The following TEKT5 variants were observed in gnomAD, a reference collection of about 807,000 sequenced individuals.
TEKT5 encodes the protein tektin 5.
A neutral mutation model predicts 48.7 loss-of-function variants in TEKT5; 52 were observed. The ratio of observed to expected loss-of-function variants is 1.07; its 90% CI spans 0.86 to 1.35. TEKT5 has a LOEUF of 1.35. TEKT5 is among the 40% of genes most tolerant of loss of function. TEKT5 has a pLI of 0.00. For missense variants in TEKT5, 831 were observed against 641.6 expected (o/e 1.30, Z -3.19); for synonymous variants, 318 against 267.6 (o/e 1.19, Z -1.84).
At chr16:10,634,565 T>C (rs1897886769) in intron 6 of TEKT5, among the ~76,000 whole-genome samples, 1 of 152,166 alleles carries the variant, frequency 6.6e-6, no homozygotes, top group African/African-American at 2.4e-5. Flanking sequence ...CTCAATGATG[T>C]GGGGTCCTCC....
intron 5 of TEKT5, among the ~76,000 whole-genome samples, chr16:10,636,983 A>T (rs1479664635): frequency 2.8e-4 from 35 of 123,756 alleles, no homozygotes; most frequent in African/African-American, 1.1e-3. Context: ...CACCTGGCTG[A>T]TTTTTTTTTT....
chr16:10,653,392 C>G, intron 5 of TEKT5, among the ~76,000 whole-genome samples: 1 of 152,190 alleles, frequency 6.6e-6, no homozygotes, highest in East Asian at 1.9e-4. Context: ...AGCAGGAGTC[C>G]TAAGCCTCCC....
rs146792496 is a variant in TEKT5 at position 10,653,826 on chromosome 16, T to A, written c.1087-17908A>T. ...TATTTGGGAGGCTGAGGCAGGAGAG[T>A]CACTTGAACCTGGGAGGCAAAATTT... On this transcript the variant is annotated intron_variant, in intron 5 of 6. Transcript: ENST00000283025. Among the ~76,000 whole-genome samples, 1,424 of 151,564 alleles carry A rather than the reference T, an allele frequency of 9.4e-3. 19 individuals carry two copies. Among genetic ancestry groups the A allele is most frequent in the African/African-American group, 0.033 (1,349 of 41,298 alleles).
intron 5 of TEKT5, among the ~76,000 whole-genome samples, chr16:10,651,178 G>A (rs1007371419): frequency 2.0e-5 from 3 of 152,230 alleles, no homozygotes; most frequent in East Asian, 1.9e-4. Flanking sequence ...GGGAGCTGCC[G>A]ATTCACCTGG....
rs775658432 is a variant in TEKT5, at chr16:10,694,679, C to T, written c.195G>A (p.Pro65=). The change falls in exon 1 of 7, where the codon CCG becomes CCA. Residue 65 remains proline, a synonymous_variant. Transcript: ENST00000283025. ...GCCGCAGGGTACTGGTGCTCTCGTCCGGGCAGGTCTGGACGTTGGCTATCT... is the reference window on the plus strand; with the variant it reads ...GCCGCAGGGTACTGGTGCTCTCGTCTGGGCAGGTCTGGACGTTGGCTATCT... ...FYKIANVQTC[P]DESTSTLRPP... 1.2e-5 allele frequency: 20 copies of T among 1,613,014 alleles called. No individual in the cohort carries two copies. In the Admixed American group the frequency reaches 2.0e-4, roughly 16 times the overall value.
At chr16:10,660,209 G>GTCT (rs1483687603) in intron 5 of TEKT5, among the ~76,000 whole-genome samples, 1 of 152,100 alleles carries the variant, frequency 6.6e-6, no homozygotes, top group African/African-American at 2.4e-5. Flanking sequence ...TTATTCCAGT[G>GTCT]TAAGGGGTCA....
intron 5 of TEKT5, among the ~76,000 whole-genome samples, chr16:10,656,050 T>G (rs1183182066): frequency 1.3e-5 from 2 of 152,194 alleles, no homozygotes; most frequent in African/African-American, 4.8e-5. Flanking sequence ...TACTGACATT[T>G]TGATAGACTC....
chr16:10,669,701 A>C (rs762149279), intron 5 of TEKT5, among the ~76,000 whole-genome samples: 30 of 151,324 alleles, frequency 2.0e-4, no homozygotes, highest in Non-Finnish European at 3.4e-4. Context: ...TCCTACCCCC[A>C]AAAACCATAT....
chr16:10,694,686 G>A lies in TEKT5; in HGVS notation c.188C>T (p.Thr63Ile), dbSNP rs762793466. ...SLFYKIANVQTCPDESTSTLR... is the reference protein window; with the variant it reads ...SLFYKIANVQICPDESTSTLR... The stretch of plus-strand genomic sequence containing the variant: ...GGTACTGGTGCTCTCGTCCGGGCAG[G>A]TCTGGACGTTGGCTATCTTGTAGAA... The change falls in exon 1 of 7, where the codon ACC (threonine) becomes ATC (isoleucine). Residue 63 changes from threonine to isoleucine, a missense_variant. Thr to Ile is a moderately conservative substitution (Grantham distance 89). Transcript: ENST00000283025. 9.9e-6 allele frequency: 16 copies of A among 1,613,578 alleles called. No homozygotes were observed. Among genetic ancestry groups the A allele is most frequent in the Non-Finnish European group, 1.3e-5 (15 of 1,179,738 alleles).
intron 5 of TEKT5, among the ~76,000 whole-genome samples, chr16:10,665,463 G>A (rs990206268): frequency 2.6e-5 from 4 of 152,106 alleles, no homozygotes; most frequent in Non-Finnish European, 4.4e-5. Context: ...AAACAGTCTC[G>A]TTTGTGCTGC....
At chr16:10,665,666 C>T (rs1282156078) in intron 5 of TEKT5, among the ~76,000 whole-genome samples, 1 of 152,196 alleles carries the variant, frequency 6.6e-6, no homozygotes, top group Admixed American at 6.5e-5. Flanking sequence ...TTTGGCACAG[C>T]TCTCAGAATT....
chr16:10,649,701 G>T (rs546383994), intron 5 of TEKT5, among the ~76,000 whole-genome samples: 3 of 152,306 alleles, frequency 2.0e-5, no homozygotes, highest in African/African-American at 7.2e-5. Context: ...CTCCTAAAGT[G>T]CCGGGATTAC....
intron 1 of TEKT5, among the ~76,000 whole-genome samples, chr16:10,693,197 G>C (rs1412361621): frequency 6.6e-6 from 1 of 152,222 alleles, no homozygotes; most frequent in Non-Finnish European, 1.5e-5. Flanking sequence ...CTGGGTTCAA[G>C]AGATTCTTAT....
intron 5 of TEKT5, among the ~76,000 whole-genome samples, chr16:10,650,026 C>T (rs116770300): frequency 0.026 from 3,933 of 152,032 alleles, 185 homozygotes; most frequent in African/African-American, 0.09. Context: ...CTTCCTCCCC[C>T]TGGTCTCCTC....
At chr16:10,642,571 C>T (rs1898011335) in intron 5 of TEKT5, among the ~76,000 whole-genome samples, 1 of 152,112 alleles carries the variant, frequency 6.6e-6, no homozygotes, top group South Asian at 2.1e-4. Flanking sequence ...GTGGAATGCC[C>T]CCTCTTCTTG....
Position 10,694,908 on chromosome 16 carries a change from C to T in TEKT5, c.-35G>A. 1 of 1,514,312 alleles carries T rather than the reference C, an allele frequency of 6.6e-7. No individual in the cohort carries two copies. Among genetic ancestry groups the T allele is most frequent in the South Asian group, 1.3e-5 (1 of 75,096 alleles). 93.8% of individuals were successfully genotyped at this position (1,514,312 alleles called of 1,614,324 possible). A position where few individuals can be genotyped will look rare whatever the true frequency, so the allele number is the denominator to read the frequency against. ...TGAGCCCCACTCGGGCAAAACTCAG[C>T]TCAAGGAGCCAAAGGCATCACCAGG... On this transcript the variant is annotated 5_prime_UTR_variant, in exon 1 of 7. Transcript: ENST00000283025.
chr16:10,648,888 T>C (rs1251302983), intron 5 of TEKT5, among the ~76,000 whole-genome samples: 3 of 152,256 alleles, frequency 2.0e-5, no homozygotes, highest in African/African-American at 7.2e-5. Context: ...ACCCTCTGCT[T>C]ACAGCAAGTG....
At chr16:10,690,993 G>GA (rs1260768837) in intron 1 of TEKT5, among the ~76,000 whole-genome samples, 2 of 152,210 alleles carry the variant, frequency 1.3e-5, no homozygotes, top group African/African-American at 4.8e-5. Context: ...ACCAGGCTGA[G>GA]AGTCCCTGCT....
intron 5 of TEKT5, among the ~76,000 whole-genome samples, chr16:10,658,574 T>C (rs932490881): frequency 1.3e-5 from 2 of 151,894 alleles, no homozygotes; most frequent in East Asian, 1.9e-4. Flanking sequence ...GTAAGAATGA[T>C]AGTTCCTTTG....
Sources: gnomAD v4.1 joint callset for allele counts (sites outside exome capture counted in the v4.1 genomes callset) on GRCh38, gnomAD v4.1.1 for gene constraint, MANE v1.5 for transcripts, NCBI Gene and HGNC (gene_info 2026-07-23, HGNC 2026-07-21) for gene names.